CSTPP1: variants seen among roughly 807,000 people sequenced by gnomAD.
CSTPP1 encodes the protein centriolar satellite-associated tubulin polyglutamylase complex regulator 1.
chr11:47,150,260 C>T, the CSTPP1 span, among the ~76,000 whole-genome samples: 1 of 152,160 alleles, frequency 6.6e-6, no homozygotes. Flanking sequence ...TGAATGTCTG[C>T]ATTCTCCATA....
chr11:47,163,637 T>C, the CSTPP1 span, among the ~76,000 whole-genome samples: 119 of 152,264 alleles, frequency 7.8e-4, no homozygotes, highest in Non-Finnish European at 1.5e-3. Flanking sequence ...TGTGTATGTA[T>C]ATATATGTAA....
the CSTPP1 span, among the ~76,000 whole-genome samples, chr11:46,941,420 A>G: frequency 8.5e-5 from 13 of 152,102 alleles, no homozygotes; most frequent in East Asian, 9.7e-4. Flanking sequence ...GCTCACTCCA[A>G]CCTCCGCCTC....
the CSTPP1 span, among the ~76,000 whole-genome samples, chr11:47,115,020 A>G: frequency 6.6e-6 from 1 of 152,146 alleles, no homozygotes; most frequent in Non-Finnish European, 1.5e-5. Flanking sequence ...TACCTAGTTT[A>G]TTGAGAGTTT....
chr11:47,058,993 C>T, the CSTPP1 span, among the ~76,000 whole-genome samples: 229 of 152,240 alleles, frequency 1.5e-3, 1 homozygote, highest in Admixed American at 3.5e-3. Flanking sequence ...ACATATACAC[C>T]ACAGAATACT....
chr11:47,129,560 G>A, the CSTPP1 span, among the ~76,000 whole-genome samples: 5 of 152,220 alleles, frequency 3.3e-5, no homozygotes, highest in African/African-American at 1.2e-4. Flanking sequence ...ACAAAGCCTT[G>A]CCTTGGTCCT....
the CSTPP1 span, among the ~76,000 whole-genome samples, chr11:47,123,625 G>GA: frequency 7.9e-5 from 12 of 152,288 alleles, no homozygotes; most frequent in East Asian, 1.9e-3. Flanking sequence ...CTGCTCTGGA[G>GA]AAAAAATAAA....
At chr11:46,995,061 C>T in the CSTPP1 span, among the ~76,000 whole-genome samples, 7 of 152,114 alleles carry the variant, frequency 4.6e-5, no homozygotes, top group Admixed American at 1.3e-4. Flanking sequence ...AGTTTATTTG[C>T]GTAGAGGTGT....
the CSTPP1 span, among the ~76,000 whole-genome samples, chr11:47,031,245 A>G: frequency 1.3e-5 from 2 of 152,206 alleles, no homozygotes; most frequent in Non-Finnish European, 2.9e-5. Flanking sequence ...ATTCTGTATG[A>G]CTTTTTCTGT....
the CSTPP1 span, among the ~76,000 whole-genome samples, chr11:47,080,648 C>A: frequency 4.6e-5 from 7 of 151,984 alleles, no homozygotes; most frequent in Non-Finnish European, 7.4e-5. Flanking sequence ...AAATTGAAAT[C>A]TATTATAAAC....
chr11:47,052,329 T>C, the CSTPP1 span: 2 of 1,549,240 alleles, frequency 1.3e-6, no homozygotes, highest in Non-Finnish European at 1.7e-6. Flanking sequence ...AATTTTTCAT[T>C]CTGATTCCAG....
chr11:46,996,288 A>G, the CSTPP1 span, among the ~76,000 whole-genome samples: 4 of 148,682 alleles, frequency 2.7e-5, no homozygotes, highest in African/African-American at 5.1e-5. Flanking sequence ...TTTAAGGTTA[A>G]TATTGTTTTT....
chr11:46,991,904 C>G, the CSTPP1 span, among the ~76,000 whole-genome samples: 5 of 152,090 alleles, frequency 3.3e-5, no homozygotes, highest in Admixed American at 6.6e-5. Flanking sequence ...CCATACCTGG[C>G]TAATTTTTGT....
chr11:46,940,555 T>A, the CSTPP1 span, among the ~76,000 whole-genome samples: 7 of 152,316 alleles, frequency 4.6e-5, no homozygotes, highest in African/African-American at 1.7e-4. Flanking sequence ...TGACAGATAG[T>A]CTGAGTAGAT....
the CSTPP1 span, among the ~76,000 whole-genome samples, chr11:46,965,587 T>C: frequency 6.6e-6 from 1 of 152,200 alleles, no homozygotes; most frequent in African/African-American, 2.4e-5. Flanking sequence ...AATAGTAGCA[T>C]TGTTTTACAC....
At chr11:47,045,580 C>T in the CSTPP1 span, among the ~76,000 whole-genome samples, 3 of 152,208 alleles carry the variant, frequency 2.0e-5, no homozygotes, top group African/African-American at 7.2e-5. Context: ...TTGTCACTTC[C>T]AAACCAGAAA....
At chr11:46,994,712 A>C in the CSTPP1 span, among the ~76,000 whole-genome samples, 2 of 152,188 alleles carry the variant, frequency 1.3e-5, no homozygotes, top group Admixed American at 1.3e-4. Flanking sequence ...ATCGATGTTC[A>C]TCAGGGATAT....
the CSTPP1 span, chr11:47,052,739 TA>T: frequency 4.1e-6 from 2 of 482,622 alleles, no homozygotes; most frequent in Admixed American, 3.9e-5. Flanking sequence ...ATATTACTAT[TA>T]CCACTACCAT....
the CSTPP1 span, among the ~76,000 whole-genome samples, chr11:47,084,042 C>T: frequency 6.6e-6 from 1 of 152,202 alleles, no homozygotes; most frequent in Non-Finnish European, 1.5e-5. Flanking sequence ...TATGAGAATT[C>T]CAGTTTTTAC....
the CSTPP1 span, among the ~76,000 whole-genome samples, chr11:47,105,753 C>A: frequency 1.3e-5 from 2 of 152,326 alleles, no homozygotes; most frequent in East Asian, 1.9e-4. Flanking sequence ...AGAGCCCATG[C>A]TCTTACTTCC....
Sources: allele counts gnomAD v4.1 joint callset (sites outside exome capture counted in the v4.1 genomes callset), GRCh38; gene constraint gnomAD v4.1.1; transcripts MANE v1.5; gene names NCBI Gene and HGNC (gene_info 2026-07-23, HGNC 2026-07-21).